Variants in SCAMP1 observed in about 807,000 individuals in gnomAD.
SCAMP1 encodes the protein secretory carrier membrane protein 1, also known as secretory carrier-associated membrane protein 1.
Under a neutral mutation model 41.8 loss-of-function variants are expected in SCAMP1, and 15 were observed. The observed-to-expected ratio is 0.36, with a 90% CI of 0.24 to 0.55. The LOEUF (loss-of-function observed/expected upper bound fraction) is 0.55. Among genes scored for constraint, SCAMP1 ranks in the 20% least tolerant of loss-of-function variants. The probability of loss-of-function intolerance (pLI) is 0.86; values close to 1 mark genes in which losing one functional copy is unlikely to be tolerated. For missense variants in SCAMP1, 341 were observed against 412.6 expected, an observed-to-expected ratio of 0.83 and a Z score of 1.50; for synonymous variants, 135 against 136.8, an observed-to-expected ratio of 0.99 and a Z score of 0.09.
intron 1 of SCAMP1, among the ~76,000 whole-genome samples, chr5:78,368,149 C>T (rs1480485664): frequency 6.6e-6 from 1 of 152,176 alleles, no homozygotes; most frequent in African/African-American, 2.4e-5. Flanking sequence ...TTAAAAACCA[C>T]ATTTGTCATT....
chr5:78,475,766 C>A lies in SCAMP1; in HGVS notation c.*98C>A. The A allele has an allele frequency of 1.1e-6, 1 of 926,902 alleles. No individual in the cohort carries two copies. The highest frequency in any genetic ancestry group is 1.5e-6 in the Non-Finnish European group (1 of 680,688). 57.4% of individuals were successfully genotyped at this position (926,902 alleles called of 1,614,324 possible). Reference sequence around the variant, plus strand: ...TTATGTTCAAAACACACAGTACAGACAGCATGGATATTTCCTGTTCACTTG... The same window carrying A: ...TTATGTTCAAAACACACAGTACAGAAAGCATGGATATTTCCTGTTCACTTG... On this transcript the variant is annotated 3_prime_UTR_variant, in exon 9 of 9. Transcript: ENST00000621999.
chr5:78,367,847 A>G (rs12658047), intron 1 of SCAMP1, among the ~76,000 whole-genome samples: 37,395 of 152,150 alleles, frequency 0.25, 5,000 homozygotes, highest in East Asian at 0.54. Context: ...GGTCCCCTAC[A>G]TTGGGGACAA....
chr5:78,370,725 ACT>A (rs1256919348), intron 1 of SCAMP1: 2 of 152,114 alleles, frequency 1.3e-5, no homozygotes, highest in African/African-American at 2.4e-5. Context: ...TCATATGGTA[ACT>A]CTGTTTAATC....
intron 8 of SCAMP1, among the ~76,000 whole-genome samples, chr5:78,474,713 C>G (rs1753965302): frequency 6.6e-6 from 1 of 152,160 alleles, no homozygotes; most frequent in South Asian, 2.1e-4. Context: ...TCTGTCCCCA[C>G]TCTGCGAAGT....
intron 2 of SCAMP1, among the ~76,000 whole-genome samples, chr5:78,402,194 TTG>T (rs1168515317): frequency 8.8e-4 from 133 of 151,130 alleles, no homozygotes; most frequent in African/African-American, 3.1e-3. Flanking sequence ...AATACTATAT[TTG>T]TTTTTTTTTT....
intron 7 of SCAMP1, among the ~76,000 whole-genome samples, chr5:78,457,194 C>T (rs900714901): frequency 8.5e-5 from 13 of 152,246 alleles, no homozygotes; most frequent in African/African-American, 3.1e-4. Context: ...TCGTCAAAGT[C>T]ATTCTCCATC....
intron 6 of SCAMP1, among the ~76,000 whole-genome samples, chr5:78,430,144 A>ATTTG (rs1348822870): frequency 2.3e-5 from 1 of 44,038 alleles, no homozygotes; most frequent in African/African-American, 9.1e-5. Flanking sequence ...TAAATACAGT[A>ATTTG]TTTATTTATA....
At chr5:78,430,076 ATAAATACAG>A in intron 6 of SCAMP1, among the ~76,000 whole-genome samples, 1 of 111,638 alleles carries the variant, frequency 9.0e-6, no homozygotes, top group Non-Finnish European at 1.9e-5. Flanking sequence ...GTATTTATTT[ATAAATACAG>A]TATTTATTTA....
intron 2 of SCAMP1, 30 bp downstream of exon 2, chr5:78,388,944 A>C: frequency 8.7e-7 from 1 of 1,149,300 alleles, no homozygotes; most frequent in Non-Finnish European, 1.3e-6. Context: ...TAAATGTTTA[A>C]ATTGAAATTC....
chr5:78,363,315 C>T (rs1209573983), intron 1 of SCAMP1, among the ~76,000 whole-genome samples: 1 of 150,882 alleles, frequency 6.6e-6, no homozygotes, highest in African/African-American at 2.4e-5. Flanking sequence ...TGGGTTCACA[C>T]CATTCTCCTG....
At chr5:78,436,019 GTCT>G (rs1752744095) in intron 6 of SCAMP1, among the ~76,000 whole-genome samples, 1 of 152,162 alleles carries the variant, frequency 6.6e-6, no homozygotes, top group East Asian at 1.9e-4. Context: ...CTGCATAAAT[GTCT>G]TCTTTTGAAA....
At chr5:78,448,443 C>G (rs1409169022) in intron 6 of SCAMP1, among the ~76,000 whole-genome samples, 1 of 151,924 alleles carries the variant, frequency 6.6e-6, no homozygotes, top group Admixed American at 6.6e-5. Flanking sequence ...TTTAAAAACT[C>G]TCACAACTCA....
chr5:78,400,910 C>T (rs1252862561), intron 2 of SCAMP1, among the ~76,000 whole-genome samples: 1 of 152,036 alleles, frequency 6.6e-6, no homozygotes, highest in Non-Finnish European at 1.5e-5. Flanking sequence ...ACATCCTTGC[C>T]TTTTTCCTGA....
chr5:78,425,369 G>A (rs1405576041), intron 6 of SCAMP1, among the ~76,000 whole-genome samples: 4 of 152,142 alleles, frequency 2.6e-5, no homozygotes, highest in Non-Finnish European at 5.9e-5. Context: ...GCACTGGTAT[G>A]TTTCCATTTC....
At chr5:78,450,160 A>G (rs1333761751) in intron 7 of SCAMP1, 126 bp downstream of exon 7, 2 of 596,724 alleles carry the variant, frequency 3.4e-6, no homozygotes, top group African/African-American at 4.0e-5. Context: ...AAATTGTTTT[A>G]AAAATACAAT....
intron 6 of SCAMP1, among the ~76,000 whole-genome samples, chr5:78,422,886 G>A (rs1287625541): frequency 6.6e-6 from 1 of 152,240 alleles, no homozygotes; most frequent in Non-Finnish European, 1.5e-5. Flanking sequence ...AACATTACTA[G>A]GATATATGCG....
At chr5:78,435,764 T>G (rs1752737484) in intron 6 of SCAMP1, among the ~76,000 whole-genome samples, 1 of 152,204 alleles carries the variant, frequency 6.6e-6, no homozygotes. Flanking sequence ...CTGGGTCAAA[T>G]GGTATTTCTA....
At chr5:78,441,004 G>A (rs950475921) in intron 6 of SCAMP1, among the ~76,000 whole-genome samples, 3 of 152,206 alleles carry the variant, frequency 2.0e-5, no homozygotes, top group South Asian at 2.1e-4. Context: ...GGGACCCTCC[G>A]AGCCAGGCAC....
chr5:78,386,481 C>CTA (rs1330398545), intron 1 of SCAMP1, among the ~76,000 whole-genome samples: 6 of 151,526 alleles, frequency 4.0e-5, no homozygotes, highest in Non-Finnish European at 5.9e-5. Flanking sequence ...AGGTACTGTT[C>CTA]TATTCATTGT....
Sources: allele counts gnomAD v4.1 joint callset (sites outside exome capture counted in the v4.1 genomes callset), GRCh38; gene constraint gnomAD v4.1.1; transcripts MANE v1.5; gene names NCBI Gene and HGNC (gene_info 2026-07-23, HGNC 2026-07-21).